UNC5D: variants seen among roughly 807,000 people sequenced by gnomAD.
UNC5D encodes the protein netrin receptor UNC5D.
A neutral mutation model predicts 105.4 loss-of-function variants in UNC5D; 39 were observed. That is an observed-to-expected ratio of 0.37 (90% CI 0.29 to 0.48). UNC5D has a LOEUF of 0.48. Among genes scored for constraint, UNC5D ranks in the 20% least tolerant of loss-of-function variants. The pLI is 0.98. For synonymous variants in UNC5D, 452 were observed against 450.4 expected (o/e 1.00, Z -0.04); for missense variants, 991 against 1,202.4 (o/e 0.82, Z 2.60).
intron 1 of UNC5D, among the ~76,000 whole-genome samples, chr8:35,378,932 G>A (rs1163132891): frequency 6.6e-6 from 1 of 152,164 alleles, no homozygotes; most frequent in Non-Finnish European, 1.5e-5. Context: ...AAAAGCGAAA[G>A]GCAGTGTCTC....
intron 1 of UNC5D, among the ~76,000 whole-genome samples, chr8:35,285,174 C>T (rs1220371108): frequency 6.6e-6 from 1 of 152,196 alleles, no homozygotes; most frequent in African/African-American, 2.4e-5. Flanking sequence ...CAAATTGCAG[C>T]TAGGCAGATA....
intron 1 of UNC5D, among the ~76,000 whole-genome samples, chr8:35,500,633 A>C (rs1319858347): frequency 3.3e-5 from 5 of 152,158 alleles, no homozygotes; most frequent in Non-Finnish European, 7.3e-5. Flanking sequence ...GCTACTCGTC[A>C]CATTATAGTT....
intron 1 of UNC5D, among the ~76,000 whole-genome samples, chr8:35,361,400 G>A (rs921878705): frequency 6.6e-6 from 1 of 152,122 alleles, no homozygotes; most frequent in African/African-American, 2.4e-5. Flanking sequence ...ATGGAGCAAT[G>A]TGACCTTATG....
intron 1 of UNC5D, among the ~76,000 whole-genome samples, chr8:35,507,003 T>C (rs1489606988): frequency 6.6e-6 from 1 of 152,076 alleles, no homozygotes; most frequent in African/African-American, 2.4e-5. Context: ...ATTGAAGGTG[T>C]TTTCTTAGAG....
At chr8:35,316,147 GC>G (rs1809290932) in intron 1 of UNC5D, among the ~76,000 whole-genome samples, 2 of 152,196 alleles carry the variant, frequency 1.3e-5, no homozygotes, top group African/African-American at 4.8e-5. Flanking sequence ...CAGTTGAATA[GC>G]TGTATTGTTT....
At chr8:35,780,617 C>G (rs2131771218) in intron 16 of UNC5D, among the ~76,000 whole-genome samples, 1 of 152,310 alleles carries the variant, frequency 6.6e-6, no homozygotes, top group East Asian at 1.9e-4. Context: ...GTACAAGATG[C>G]AGACAGAGCA....
intron 4 of UNC5D, among the ~76,000 whole-genome samples, chr8:35,620,149 G>T (rs1210679720): frequency 1.3e-5 from 2 of 152,162 alleles, no homozygotes; most frequent in African/African-American, 4.8e-5. Flanking sequence ...CTTCCAGAAC[G>T]ATTTGACAAA....
At chr8:35,667,628 T>C (rs376920313) in intron 4 of UNC5D, among the ~76,000 whole-genome samples, 3 of 152,284 alleles carry the variant, frequency 2.0e-5, no homozygotes, top group African/African-American at 4.8e-5. Context: ...AAGAAGAACA[T>C]ACCAATCACC....
intron 14 of UNC5D, among the ~76,000 whole-genome samples, chr8:35,761,148 G>T (rs1801514640): frequency 2.6e-5 from 4 of 151,998 alleles, no homozygotes; most frequent in Admixed American, 2.6e-4. Flanking sequence ...AGGTCTCTTT[G>T]CTTTCTGGTA....
chr8:35,665,276 A>C (rs1824353312), intron 4 of UNC5D, among the ~76,000 whole-genome samples: 1 of 151,982 alleles, frequency 6.6e-6, no homozygotes, highest in African/African-American at 2.4e-5. Context: ...GGTTTCTCAA[A>C]CCCCCAGTGT....
intron 4 of UNC5D, among the ~76,000 whole-genome samples, chr8:35,682,010 G>C (rs1171418870): frequency 6.6e-6 from 1 of 152,146 alleles, no homozygotes; most frequent in Non-Finnish European, 1.5e-5. Context: ...TGTCGCCCAG[G>C]CTGGAGTGCA....
At chr8:35,776,523 G>T (rs976982919) in intron 16 of UNC5D, among the ~76,000 whole-genome samples, 1 of 152,138 alleles carries the variant, frequency 6.6e-6, no homozygotes, top group Non-Finnish European at 1.5e-5. Context: ...ACAACCTTTT[G>T]TATCTGAGCA....
chr8:35,771,148 T>G (rs1801994315), intron 15 of UNC5D, among the ~76,000 whole-genome samples: 1 of 152,190 alleles, frequency 6.6e-6, no homozygotes, highest in African/African-American at 2.4e-5. Flanking sequence ...TTACTTATTT[T>G]TAGACTCAAT....
At chr8:35,274,114 C>A (rs1310791356) in intron 1 of UNC5D, among the ~76,000 whole-genome samples, 1 of 151,858 alleles carries the variant, frequency 6.6e-6, no homozygotes, top group Non-Finnish European at 1.5e-5. Flanking sequence ...CAAATCTTGT[C>A]TTTGTAAAGT....
intron 4 of UNC5D, among the ~76,000 whole-genome samples, chr8:35,627,746 T>C (rs1323288490): frequency 6.6e-6 from 1 of 151,948 alleles, no homozygotes; most frequent in Non-Finnish European, 1.5e-5. Context: ...CTGGGCAACA[T>C]ATTAGACCCC....
At chr8:35,336,380 A>C (rs1177773244) in intron 1 of UNC5D, among the ~76,000 whole-genome samples, 2 of 152,146 alleles carry the variant, frequency 1.3e-5, no homozygotes, top group African/African-American at 4.8e-5. Context: ...TGCTTCCTTA[A>C]CCATTCTGGC....
At chr8:35,385,077 C>A (rs188430252) in intron 1 of UNC5D, among the ~76,000 whole-genome samples, 1 of 152,276 alleles carries the variant, frequency 6.6e-6, no homozygotes, top group Non-Finnish European at 1.5e-5. Flanking sequence ...CGCCATGTAA[C>A]CTCACTCTTT....
chr8:35,306,582 G>T (rs1196638154), intron 1 of UNC5D, among the ~76,000 whole-genome samples: 1 of 152,088 alleles, frequency 6.6e-6, no homozygotes. Flanking sequence ...GAAATCTTTA[G>T]TGAAATATTA....
intron 1 of UNC5D, among the ~76,000 whole-genome samples, chr8:35,337,974 A>G (rs1045373919): frequency 6.6e-5 from 10 of 152,272 alleles, no homozygotes; most frequent in African/African-American, 2.4e-4. Context: ...AAATGTTTGC[A>G]GAATGCAAAT....
Sources: gnomAD v4.1 joint callset for allele counts (sites outside exome capture counted in the v4.1 genomes callset) on GRCh38, gnomAD v4.1.1 for gene constraint, MANE v1.5 for transcripts, NCBI Gene and HGNC (gene_info 2026-07-23, HGNC 2026-07-21) for gene names.